CD163L1: variants seen among roughly 807,000 people sequenced by gnomAD.
CD163L1 encodes CD163 molecule like 1.
Under a neutral mutation model 165.4 loss-of-function variants are expected in CD163L1, and 124 were observed. That is an observed-to-expected ratio of 0.75 (90% CI 0.65 to 0.87). The LOEUF (loss-of-function observed/expected upper bound fraction) is 0.87, where lower values mean the gene tolerates loss of function less well. Among genes scored for constraint, CD163L1 ranks in the 40% least tolerant of loss-of-function variants. The pLI, the probability that CD163L1 is intolerant of heterozygous loss-of-function variation, is 0.00. For missense variants in CD163L1, 1,525 were observed against 1,799.9 expected, an observed-to-expected ratio of 0.85 and a Z score of 2.76; for synonymous variants, 585 against 662.2, an observed-to-expected ratio of 0.88 and a Z score of 1.79.
At chr12:7,356,225 AAT>A (rs1448612474) in intron 19 of CD163L1, among the ~76,000 whole-genome samples, 1 of 152,126 alleles carries the variant, frequency 6.6e-6, no homozygotes, top group Non-Finnish European at 1.5e-5. Flanking sequence ...AACTTTTCCA[AAT>A]AGAGAAATTA....
At chr12:7,426,274 G>C (rs1328572983) in intron 4 of CD163L1, among the ~76,000 whole-genome samples, 2 of 152,112 alleles carry the variant, frequency 1.3e-5, no homozygotes, top group Non-Finnish European at 2.9e-5. Context: ...GGGAACATCA[G>C]ACACTTGGGC....
intron 4 of CD163L1, among the ~76,000 whole-genome samples, chr12:7,421,450 T>TATGTACATATATATAC (rs1948393983): frequency 8.7e-6 from 1 of 114,464 alleles, no homozygotes; most frequent in African/African-American, 3.9e-5. Context: ...CATATACATA[T>TATGTACATATATATAC]ATGTACATAT....
chr12:7,385,263 AGAC>A (rs1365075908), intron 8 of CD163L1, among the ~76,000 whole-genome samples: 2 of 151,792 alleles, frequency 1.3e-5, no homozygotes, highest in Admixed American at 1.3e-4. Flanking sequence ...AAAAAAAAAA[AGAC>A]AATCATCATA....
At chr12:7,409,881 TAA>T (rs926927907) in intron 4 of CD163L1, among the ~76,000 whole-genome samples, 4 of 151,442 alleles carry the variant, frequency 2.6e-5, no homozygotes, top group Non-Finnish European at 5.9e-5. Context: ...CTCTCAGAAA[TAA>T]AAAAACTATG....
In CD163L1 at chr12:7,398,668, T is replaced by C. The variant is rs1947835574; in HGVS notation, c.1409-84A>G. The C allele has an allele frequency of 8.4e-7, 1 of 1,196,014 alleles. No individual in the cohort carries two copies. Among genetic ancestry groups the C allele is most frequent in the East Asian group, 2.5e-5 (1 of 40,490 alleles). 74.1% of individuals were successfully genotyped at this position (1,196,014 alleles called of 1,614,324 possible). Reference sequence around the variant, plus strand: ...TGAAAAGACTCTCTAAATTCACGACTATAAGGCTTTGCCTAACAGGTGATA... The same window carrying C: ...TGAAAAGACTCTCTAAATTCACGACCATAAGGCTTTGCCTAACAGGTGATA... On this transcript the variant is annotated intron_variant, in intron 6 of 19. Coordinates refer to ENST00000313599, the MANE Select transcript of CD163L1 (RefSeq NM_174941.6). This position sits in a 1 kb window ranked among gnomAD's most constrained non-coding sequence, Gnocchi z 4.5.
chr12:7,376,119 T>G (rs1947268647), intron 9 of CD163L1, 105 bp from the exon 10 acceptor site: 1 of 950,442 alleles, frequency 1.1e-6, no homozygotes, highest in Non-Finnish European at 1.5e-6. Flanking sequence ...CATTCATCAT[T>G]AGAACATCCC....
intron 4 of CD163L1, among the ~76,000 whole-genome samples, chr12:7,348,611 T>C (rs1946686566): frequency 6.6e-6 from 1 of 152,200 alleles, no homozygotes; most frequent in African/African-American, 2.4e-5. Flanking sequence ...TTTCTGAGCC[T>C]CAGTTTTTAC....
At chr12:7,324,301 T>A in the CD163L1 span, 2 of 1,613,532 alleles carry the variant, frequency 1.2e-6, no homozygotes, top group Non-Finnish European at 1.7e-6. Flanking sequence ...GCTGCCACGA[T>A]AAGAGGAGAT....
chr12:7,343,459 A>C (rs1440932399), downstream of CD163L1, among the ~76,000 whole-genome samples: 1 of 152,186 alleles, frequency 6.6e-6, no homozygotes, highest in African/African-American at 2.4e-5. Flanking sequence ...GATGTACAGG[A>C]AGCATAGTGC....
At chr12:7,339,556 C>T in the CD163L1 span, among the ~76,000 whole-genome samples, 2 of 152,132 alleles carry the variant, frequency 1.3e-5, no homozygotes, top group African/African-American at 4.8e-5. Flanking sequence ...GTTCCACAGT[C>T]TATGTGCCAG....
At chr12:7,380,389 A>ACGCGTATACATACATGTATGTGTGTATC (rs1565784362) in intron 8 of CD163L1, among the ~76,000 whole-genome samples, 1 of 141,162 alleles carries the variant, frequency 7.1e-6, no homozygotes, top group Admixed American at 6.8e-5. Flanking sequence ...ATGTGTGTAT[A>ACGCGTATACATACATGTATGTGTGTATC]TGCGTATACA....
At chr12:7,425,135 A>T (rs1948518928) in intron 4 of CD163L1, among the ~76,000 whole-genome samples, 1 of 152,104 alleles carries the variant, frequency 6.6e-6, no homozygotes, top group African/African-American at 2.4e-5. Context: ...CCAAAACAGA[A>T]ATATAGACCA....
At chr12:7,436,982 AAAG>A in intron 2 of CD163L1, among the ~76,000 whole-genome samples, 2 of 151,176 alleles carry the variant, frequency 1.3e-5, no homozygotes, top group Middle Eastern at 7.5e-3. Context: ...TAAAAATGTT[AAAG>A]AACTATATAG....
In CD163L1 at chr12:7,406,232, A is replaced by G. The variant is rs761842030; in HGVS notation, c.1087+300T>C. Among the ~76,000 whole-genome samples, 4 of 152,352 alleles carry G rather than the reference A, an allele frequency of 2.6e-5. No individual in the cohort carries two copies. The South Asian group carries it at 8.3e-4, about 32-fold the overall frequency. On this transcript the variant is annotated intron_variant, in intron 5 of 19. Coordinates refer to ENST00000313599, the MANE Select transcript of CD163L1 (RefSeq NM_174941.6). ...TAATATAAGCCATGCACTTGTATAG[A>G]TTAACAGCAATTTTGACTAGATTGG...
At chr12:7,443,987 G>A (rs746174274) in intron 1 of CD163L1, 110 bp downstream of exon 1, 8 of 1,050,206 alleles carry the variant, frequency 7.6e-6, no homozygotes, top group Non-Finnish European at 1.1e-5. Flanking sequence ...CTCATGTCCT[G>A]TTTTCTTTTT....
Position 7,373,595 on chromosome 12 carries a change from C to G in CD163L1, c.3455G>C (p.Cys1152Ser), listed in dbSNP as rs1822364068. The change falls in exon 14 of 20, where the codon TGT becomes TCT. Residue 1152 changes from cysteine to serine, a missense_variant. By Grantham distance (112) the Cys-to-Ser change is moderately radical. Coordinates refer to ENST00000313599, the MANE Select transcript of CD163L1 (RefSeq NM_174941.6). ...RLYSETETES[C>S]AGRLEVFYNG... ...ATAGAAGACTTCCAATCTCCCAGCA[C>G]AGCTCTCTGTTTCAGTTTCACTGTA... 1.2e-6 allele frequency: 2 copies of G among 1,612,546 alleles called. No homozygotes were observed. The highest frequency in any genetic ancestry group is 1.7e-6 in the Non-Finnish European group (2 of 1,178,800).
chr12:7,328,580 C>A, the CD163L1 span: 1 of 331,744 alleles, frequency 3.0e-6, no homozygotes, highest in South Asian at 3.5e-5. Flanking sequence ...GTTATAATGA[C>A]CAAACTGACA....
intron 3 of CD163L1, among the ~76,000 whole-genome samples, chr12:7,433,100 A>G (rs1174238127): frequency 6.6e-6 from 1 of 152,204 alleles, no homozygotes; most frequent in Non-Finnish European, 1.5e-5. Flanking sequence ...AAACTCAATT[A>G]TAGTTATGAT....
chr12:7,343,551 C>T (rs181399106), downstream of CD163L1, among the ~76,000 whole-genome samples: 1 of 152,170 alleles, frequency 6.6e-6, no homozygotes, highest in East Asian at 1.9e-4. Context: ...GCATATCATA[C>T]AGAGAAAGCA....
Sources: gnomAD v4.1 joint callset for allele counts (sites outside exome capture counted in the v4.1 genomes callset) on GRCh38, gnomAD v4.1.1 for gene constraint, Gnocchi (gnomAD v3.1) non-coding constraint, MANE v1.5 for transcripts, NCBI Gene and HGNC (gene_info 2026-07-23, HGNC 2026-07-21) for gene names.